Variants in TAF12 observed in about 807,000 individuals in gnomAD.
The protein encoded by TAF12 is TATA-box binding protein associated factor 12, also known as transcription initiation factor TFIID subunit 12.
Under a neutral mutation model 20.8 loss-of-function variants are expected in TAF12, and 3 were observed. That is an observed-to-expected ratio of 0.14 (90% confidence interval 0.07 to 0.37). TAF12 has a LOEUF of 0.37. Ranked by LOEUF, TAF12 falls within the 10% of genes least tolerant of loss-of-function variation. The pLI, the probability that TAF12 is intolerant of heterozygous loss-of-function variation, is 1.00. For synonymous variants in TAF12, 69 were observed against 70.2 expected, an observed-to-expected ratio of 0.98 and a Z score of 0.09; for missense variants, 131 against 197.9, an observed-to-expected ratio of 0.66 and a Z score of 2.03.
intron 1 of TAF12, among the ~76,000 whole-genome samples, chr1:28,636,740 G>T (rs754203846): frequency 4.0e-5 from 6 of 151,888 alleles, no homozygotes; most frequent in Admixed American, 6.6e-5. Context: ...GGTTGATACA[G>T]TAGTGAGATG....
intron 1 of TAF12, among the ~76,000 whole-genome samples, chr1:28,623,046 A>C (rs1054227458): frequency 6.6e-6 from 1 of 151,346 alleles, no homozygotes; most frequent in Non-Finnish European, 1.5e-5. Flanking sequence ...CAAAAAAAAA[A>C]ACAAAACACA....
chr1:28,616,351 G>A (rs959834910), intron 3 of TAF12, among the ~76,000 whole-genome samples: 6 of 147,414 alleles, frequency 4.1e-5, no homozygotes, highest in Admixed American at 6.9e-5. Context: ...AGCCGATATC[G>A]CACCACTGCA....
chr1:28,647,689 T>C (rs1272793973), upstream of TAF12, among the ~76,000 whole-genome samples: 5 of 152,028 alleles, frequency 3.3e-5, no homozygotes, highest in African/African-American at 7.2e-5. Context: ...CTGGCTAACA[T>C]GGTGAAACCC....
chr1:28,621,857 A>G, intron 2 of TAF12, 57 bp downstream of exon 2: 1 of 1,589,416 alleles, frequency 6.3e-7, no homozygotes, highest in Non-Finnish European at 8.5e-7. Flanking sequence ...AAAGTATTAC[A>G]GATTGAAATA....
chr1:28,605,604 T>C, intron 4 of TAF12, 144 bp from the exon 5 acceptor site: 1 of 742,918 alleles, frequency 1.3e-6, no homozygotes, highest in African/African-American at 1.8e-5. Context: ...ATAGGGAAAA[T>C]GGACATGGCT....
chr1:28,618,834 T>C (rs1667120985), intron 2 of TAF12, among the ~76,000 whole-genome samples: 1 of 152,154 alleles, frequency 6.6e-6, no homozygotes. Context: ...AAAAGCTCCC[T>C]GAGGGCAGCC....
chr1:28,614,424 C>G (rs1205493883), intron 3 of TAF12, among the ~76,000 whole-genome samples: 1 of 151,920 alleles, frequency 6.6e-6, no homozygotes, highest in African/African-American at 2.4e-5. Context: ...TGGCTCATGC[C>G]TATAATCCCA....
intron 1 of TAF12, among the ~76,000 whole-genome samples, chr1:28,633,172 T>C (rs1433215808): frequency 2.0e-5 from 3 of 147,902 alleles, no homozygotes; most frequent in Admixed American, 6.8e-5. Context: ...TACTTTTTTT[T>C]TTTTTTTTTT....
chr1:28,629,989 G>C (rs915833362), intron 1 of TAF12, among the ~76,000 whole-genome samples: 3 of 152,138 alleles, frequency 2.0e-5, no homozygotes, highest in Admixed American at 6.6e-5. Context: ...GCCCAGGCTG[G>C]AGTGCAGTGG....
rs1033224931 is a variant in TAF12, at chr1:28,622,360, G to GAA, written c.-84-197_-84-196dup. Among the ~76,000 whole-genome samples the GAA allele has an allele frequency of 5.7e-3, 448 of 77,984 alleles. 3 individuals carry two copies. The highest frequency in any genetic ancestry group is 8.8e-3 in the South Asian group (20 of 2,260). The allele number at this position is 77,984 out of a possible 152,430, so 51.2% of individuals were successfully genotyped here. The stretch of plus-strand genomic sequence containing the variant: ...CATAGCGAGACCTAGTCTCTACCAA[G>GAA]AAAAAAAAAAAAAAAAAAAAGTAAG... On this transcript the variant is annotated intron_variant, in intron 1 of 5. Transcript: ENST00000373824.
At chr1:28,622,781 G>A (rs1219091722) in intron 1 of TAF12, among the ~76,000 whole-genome samples, 2 of 152,082 alleles carry the variant, frequency 1.3e-5, no homozygotes, top group Admixed American at 6.6e-5. Context: ...AGCACTTTGG[G>A]AGGCCAAGGC....
chr1:28,633,625 A>C (rs1667715593), intron 1 of TAF12, among the ~76,000 whole-genome samples: 1 of 151,560 alleles, frequency 6.6e-6, no homozygotes, highest in Non-Finnish European at 1.5e-5. Context: ...AAAAATACAA[A>C]AATTAGCCGG....
intron 1 of TAF12, chr1:28,642,588 G>T: frequency 1.0e-6 from 1 of 965,292 alleles, no homozygotes; most frequent in Non-Finnish European, 1.2e-6. Flanking sequence ...GAATCCTTAG[G>T]AGCCCGGGTC....
chr1:28,612,279 A>G (rs547178403), intron 4 of TAF12, among the ~76,000 whole-genome samples: 2 of 151,630 alleles, frequency 1.3e-5, no homozygotes, highest in Non-Finnish European at 2.9e-5. Context: ...ATGAAACCCT[A>G]TCTCTACTGA....
At chr1:28,606,411 T>C (rs1035943677) in intron 4 of TAF12, among the ~76,000 whole-genome samples, 1 of 152,146 alleles carries the variant, frequency 6.6e-6, no homozygotes, top group African/African-American at 2.4e-5. Flanking sequence ...AGTGCTGGGA[T>C]TACAGGCGTG....
At chr1:28,613,405 G>T in intron 3 of TAF12, 44 bp from the exon 4 acceptor site, 1 of 1,515,108 alleles carries the variant, frequency 6.6e-7, no homozygotes, top group Non-Finnish European at 9.0e-7. Flanking sequence ...CATTGGCAGG[G>T]TAGGCTCCTG....
At chr1:28,626,805 G>A (rs373215783) in intron 1 of TAF12, among the ~76,000 whole-genome samples, 1 of 151,998 alleles carries the variant, frequency 6.6e-6, no homozygotes. Context: ...AGCTACTTGG[G>A]AGGCTGAGGC....
upstream of TAF12, chr1:28,643,114 C>G (rs961907653): frequency 1.0e-6 from 1 of 985,944 alleles, no homozygotes; most frequent in African/African-American, 1.7e-5. Context: ...CGCCTCCAAC[C>G]CGGAAACGCG....
At chr1:28,637,015 C>G (rs2124382354) in intron 1 of TAF12, among the ~76,000 whole-genome samples, 1 of 152,166 alleles carries the variant, frequency 6.6e-6, no homozygotes, top group Non-Finnish European at 1.5e-5. Flanking sequence ...TTCACTCATC[C>G]TGCTGCTAAC....
Sources: allele counts gnomAD v4.1 joint callset (sites outside exome capture counted in the v4.1 genomes callset), GRCh38; gene constraint gnomAD v4.1.1; transcripts MANE v1.5; gene names NCBI Gene and HGNC (gene_info 2026-07-23, HGNC 2026-07-21).